Variants in FLACC1 observed in about 807,000 individuals in gnomAD.
FLACC1 encodes the protein flagellum associated containing coiled-coil domains 1.
In FLACC1, 66 loss-of-function variants were observed where a neutral mutation model predicts 62.8. That is an observed-to-expected ratio of 1.05 (90% CI 0.86 to 1.29). The LOEUF (loss-of-function observed/expected upper bound fraction) is 1.29. Among genes scored for constraint, FLACC1 ranks in the 50% most tolerant of loss-of-function variants. The pLI is 0.00. For synonymous variants in FLACC1, 156 were observed against 161.0 expected (o/e 0.97, Z 0.24); for missense variants, 452 against 489.1 (o/e 0.92, Z 0.71).
At position 201,330,846 on chromosome 2, in the gene FLACC1, A is replaced by G. The variant is rs769237003; in HGVS notation, c.525-13T>C. The G allele has an allele frequency of 1.2e-6, 2 of 1,608,772 alleles. No individual in the cohort carries two copies. Among genetic ancestry groups the G allele is most frequent in the Admixed American group, 1.7e-5 (1 of 59,770 alleles). On this transcript the variant is annotated splice_polypyrimidine_tract_variant and intron_variant, in intron 7 of 14. Transcript: ENST00000392257. The stretch of plus-strand genomic sequence containing the variant: ...CTCTTTGAGCTCCCTGTGGGACCCC[A>G]GGAGAAGGCCACAATCATTAGTAAA...
At chr2:201,309,298 G>T (rs754712173) in intron 9 of FLACC1, 48 bp from the exon 10 acceptor site, 2 of 1,430,974 alleles carry the variant, frequency 1.4e-6, no homozygotes, top group South Asian at 1.1e-5. Flanking sequence ...TAAAATGAAG[G>T]TGACCTGGAG....
At chr2:201,321,703 T>C (rs545408502) in intron 9 of FLACC1, among the ~76,000 whole-genome samples, 1 of 152,250 alleles carries the variant, frequency 6.6e-6, no homozygotes, top group Admixed American at 6.5e-5. Flanking sequence ...GAGGTGGCTG[T>C]CTGGAGATGA....
At chr2:201,309,049 A>T (rs1950160839) in intron 10 of FLACC1, 102 bp downstream of exon 10, 1 of 937,008 alleles carries the variant, frequency 1.1e-6, no homozygotes, top group Non-Finnish European at 1.7e-6. Context: ...GTGGCCCATC[A>T]CCCTTGGTAA....
At chr2:201,352,131 C>G (rs1327473864) in intron 1 of FLACC1, 3 of 152,198 alleles carry the variant, frequency 2.0e-5, no homozygotes, top group Non-Finnish European at 4.4e-5. Flanking sequence ...GAAACAAACA[C>G]AAATCTCTTT....
chr2:201,313,905 C>A (rs1950262714), intron 9 of FLACC1, among the ~76,000 whole-genome samples: 1 of 152,168 alleles, frequency 6.6e-6, no homozygotes, highest in Admixed American at 6.5e-5. Context: ...CAGACAACCC[C>A]CAATACCAGC....
At chr2:201,334,296 G>A (rs766284328) in intron 7 of FLACC1, among the ~76,000 whole-genome samples, 16 of 152,082 alleles carry the variant, frequency 1.1e-4, no homozygotes, top group East Asian at 1.9e-4. Context: ...GTGTCCAACC[G>A]TTCTTGCATC....
chr2:201,341,733 T>A (rs1950814211), intron 7 of FLACC1, among the ~76,000 whole-genome samples: 1 of 152,142 alleles, frequency 6.6e-6, no homozygotes, highest in Non-Finnish European at 1.5e-5. Context: ...TAGCTCTCAT[T>A]TTTTACATTA....
intron 9 of FLACC1, among the ~76,000 whole-genome samples, chr2:201,312,275 A>G (rs1350128170): frequency 7.9e-5 from 12 of 152,218 alleles, no homozygotes; most frequent in Non-Finnish European, 2.9e-5. Context: ...TAGCATTTCT[A>G]TACACCAATA....
In FLACC1 at chr2:201,350,708, T is replaced by A; in HGVS notation, c.185+3A>T. On this transcript the variant is annotated splice_donor_region_variant and intron_variant, in intron 3 of 14. Coordinates refer to ENST00000392257, the MANE Select transcript of FLACC1 (RefSeq NM_001127391.3). ...AAACAAAACAAAACAAAACAATACT[T>A]ACTTTGGGGAAACAACAGGTTTTGT... 1.3e-6 allele frequency: 2 copies of A among 1,517,648 alleles called. No homozygotes were observed. Among genetic ancestry groups the A allele is most frequent in the Non-Finnish European group, 1.8e-6 (2 of 1,130,442 alleles). 94.0% of individuals were successfully genotyped at this position (1,517,648 alleles called of 1,614,324 possible).
chr2:201,306,804 A>G (rs1317870928), intron 11 of FLACC1, among the ~76,000 whole-genome samples: 1 of 152,240 alleles, frequency 6.6e-6, no homozygotes, highest in East Asian at 1.9e-4. Flanking sequence ...ACTTGTATCC[A>G]CAATATAAAA....
intron 9 of FLACC1, among the ~76,000 whole-genome samples, chr2:201,328,383 T>C (rs971760487): frequency 6.6e-6 from 1 of 152,026 alleles, no homozygotes; most frequent in Non-Finnish European, 1.5e-5. Flanking sequence ...AATTTTTACA[T>C]GTGTTAGCTT....
intron 12 of FLACC1, among the ~76,000 whole-genome samples, chr2:201,294,154 C>T (rs1433892784): frequency 4.6e-5 from 7 of 152,132 alleles, no homozygotes; most frequent in South Asian, 2.1e-4. Context: ...AGAGGGAATC[C>T]TCCCTAACTC....
At chr2:201,288,813 C>A in intron 14 of FLACC1, 32 bp from the exon 15 acceptor site, 1 of 1,607,846 alleles carries the variant, frequency 6.2e-7, no homozygotes, top group South Asian at 1.1e-5. Flanking sequence ...GTATCAATGT[C>A]AACTCAAAAG....
At chr2:201,320,340 C>T (rs995902755) in intron 9 of FLACC1, among the ~76,000 whole-genome samples, 6 of 152,222 alleles carry the variant, frequency 3.9e-5, no homozygotes, top group African/African-American at 1.2e-4. Context: ...CAGGAGCTGC[C>T]AGTGCAGGAA....
intron 9 of FLACC1, among the ~76,000 whole-genome samples, chr2:201,316,252 CA>C (rs1247480822): frequency 2.0e-5 from 3 of 151,734 alleles, no homozygotes; most frequent in South Asian, 4.2e-4. Context: ...ACAAAAAATA[CA>C]AAAGATAAAT....
chr2:201,308,175 G>A (rs972872312), intron 10 of FLACC1, among the ~76,000 whole-genome samples: 1 of 152,198 alleles, frequency 6.6e-6, no homozygotes, highest in African/African-American at 2.4e-5. Context: ...GCCTCTGACT[G>A]AGCTGGATGG....
intron 9 of FLACC1, among the ~76,000 whole-genome samples, chr2:201,319,134 A>G (rs2125578072): frequency 6.6e-6 from 1 of 152,312 alleles, no homozygotes; most frequent in South Asian, 2.1e-4. Context: ...CAGTAACCAA[A>G]ACAGCTTGGT....
intron 7 of FLACC1, among the ~76,000 whole-genome samples, chr2:201,341,131 C>T (rs1392513899): frequency 6.6e-6 from 1 of 152,008 alleles, no homozygotes; most frequent in Non-Finnish European, 1.5e-5. Context: ...TGCACAGGAA[C>T]TCTCTGTACT....
chr2:201,293,634 A>G (rs1030019214), intron 12 of FLACC1, among the ~76,000 whole-genome samples: 32 of 152,260 alleles, frequency 2.1e-4, no homozygotes, highest in African/African-American at 7.5e-4. Flanking sequence ...GAGCAAACAC[A>G]TTCAAAAGCT....
Sources: allele counts gnomAD v4.1 joint callset (sites outside exome capture counted in the v4.1 genomes callset), GRCh38; gene constraint gnomAD v4.1.1; transcripts MANE v1.5; gene names NCBI Gene and HGNC (gene_info 2026-07-23, HGNC 2026-07-21).